Variants in SIPA1L1 observed in about 807,000 individuals in gnomAD.
The protein encoded by SIPA1L1 is signal-induced proliferation-associated 1-like protein 1.
Under a neutral mutation model 162.7 loss-of-function variants are expected in SIPA1L1, and 26 were observed. That is an observed-to-expected ratio of 0.16 (90% CI 0.12 to 0.22). The LOEUF is 0.22. Among genes scored for constraint, SIPA1L1 ranks in the 10% least tolerant of loss-of-function variants. SIPA1L1 has a pLI of 1.00. For synonymous variants in SIPA1L1, 829 were observed against 837.4 expected (o/e 0.99, Z 0.17); for missense variants, 1,874 against 2,241.0 (o/e 0.84, Z 3.31).
At chr14:71,610,255 A>G (rs919662144) in intron 5 of SIPA1L1, among the ~76,000 whole-genome samples, 2 of 152,172 alleles carry the variant, frequency 1.3e-5, no homozygotes, top group South Asian at 2.1e-4. Context: ...TTTTCAGTCA[A>G]GTTTATAGAC....
At chr14:71,544,074 C>T (rs753331877) in intron 4 of SIPA1L1, among the ~76,000 whole-genome samples, 3 of 150,082 alleles carry the variant, frequency 2.0e-5, no homozygotes, top group Non-Finnish European at 4.4e-5. Flanking sequence ...TACACACGCA[C>T]GCACATGTAT....
chr14:71,343,076 T>C (rs890461190), intron 2 of SIPA1L1, among the ~76,000 whole-genome samples: 4 of 152,244 alleles, frequency 2.6e-5, no homozygotes, highest in African/African-American at 9.6e-5. Context: ...CATCCTGTTC[T>C]TGGTTTACCA....
intron 19 of SIPA1L1, among the ~76,000 whole-genome samples, chr14:71,728,770 A>G (rs975901145): frequency 2.0e-5 from 3 of 152,194 alleles, no homozygotes; most frequent in African/African-American, 7.2e-5. Flanking sequence ...CATTTTCCCT[A>G]TCGAGGCAGA....
intron 6 of SIPA1L1, among the ~76,000 whole-genome samples, chr14:71,621,348 C>G (rs74060385): frequency 5.3e-5 from 8 of 152,154 alleles, no homozygotes; most frequent in Non-Finnish European, 1.0e-4. Context: ...TTCTGTTTCC[C>G]GGTTATCTCT....
Position 71,442,172 on chromosome 14 carries a change from CAAAAAAAAAAAAAA to C in SIPA1L1, c.-464-70557_-464-70544del, listed in dbSNP as rs368432068. Among the ~76,000 whole-genome samples, 5 of 26,092 alleles carry C rather than the reference CAAAAAAAAAAAAAA, an allele frequency of 1.9e-4. No homozygotes were observed. The South Asian group carries it at 3.8e-3, about 20-fold the overall frequency. The allele number at this position is 26,092 out of a possible 152,430, so 17.1% of individuals were successfully genotyped here. ...TGGATGACAGAGCAAGACTCTGTCTCAAAAAAAAAAAAAAAAAAAAAAAAAAAGAAGTAACTTAA... is the reference window on the plus strand; with the variant it reads ...TGGATGACAGAGCAAGACTCTGTCTCAAAAAAAAAAAAAGAAGTAACTTAA... On this transcript the variant is annotated intron_variant, in intron 2 of 23. Transcript: ENST00000381232.
intron 4 of SIPA1L1, chr14:71,587,033 C>G (rs2034699966): frequency 6.6e-6 from 1 of 152,058 alleles, no homozygotes; most frequent in African/African-American, 2.4e-5. Context: ...TTTTTGCCAA[C>G]TATGTTAAGC....
intron 14 of SIPA1L1, among the ~76,000 whole-genome samples, chr14:71,700,700 A>AT (rs1167983474): frequency 1.3e-5 from 2 of 152,210 alleles, no homozygotes; most frequent in African/African-American, 4.8e-5. Context: ...GGATGATATA[A>AT]TAAGAGTTTT....
intron 8 of SIPA1L1, among the ~76,000 whole-genome samples, chr14:71,650,754 C>CGG (rs1242326046): frequency 6.6e-6 from 1 of 152,120 alleles, no homozygotes; most frequent in Non-Finnish European, 1.5e-5. Flanking sequence ...GGCAGTGACA[C>CGG]AGATCGTGCA....
At chr14:71,569,816 T>C (rs2146944713) in intron 4 of SIPA1L1, among the ~76,000 whole-genome samples, 1 of 152,322 alleles carries the variant, frequency 6.6e-6, no homozygotes, top group East Asian at 1.9e-4. Context: ...CCTGAGGTTG[T>C]CAGTGTGCAG....
intron 4 of SIPA1L1, among the ~76,000 whole-genome samples, chr14:71,587,149 A>G (rs538184183): frequency 6.6e-6 from 1 of 152,260 alleles, no homozygotes; most frequent in East Asian, 1.9e-4. Flanking sequence ...TACTTTTGTC[A>G]AAAAACTCTG....
At chr14:71,559,979 T>C (rs1014226530) in intron 4 of SIPA1L1, among the ~76,000 whole-genome samples, 4 of 152,124 alleles carry the variant, frequency 2.6e-5, no homozygotes, top group Admixed American at 2.6e-4. Flanking sequence ...ATGTAAGATA[T>C]TTGTATATTT....
chr14:71,546,376 C>CTTTCTT (rs2055198769), intron 4 of SIPA1L1, among the ~76,000 whole-genome samples: 1 of 116,932 alleles, frequency 8.6e-6, no homozygotes, highest in Non-Finnish European at 1.7e-5. Flanking sequence ...CTTTTTCTTT[C>CTTTCTT]TTTTTTTTTT....
intron 12 of SIPA1L1, among the ~76,000 whole-genome samples, chr14:71,673,137 G>T (rs1301723669): frequency 6.6e-6 from 1 of 152,156 alleles, no homozygotes; most frequent in East Asian, 1.9e-4. Flanking sequence ...CAGGTGAGCT[G>T]CCCCTGCTCA....
intron 2 of SIPA1L1, among the ~76,000 whole-genome samples, chr14:71,478,295 T>A (rs1452226678): frequency 6.6e-6 from 1 of 152,210 alleles, no homozygotes; most frequent in Non-Finnish European, 1.5e-5. Context: ...ATATGTGATT[T>A]GCAAATTTTT....
At chr14:71,345,193 A>G (rs1302823285) in intron 2 of SIPA1L1, among the ~76,000 whole-genome samples, 2 of 152,132 alleles carry the variant, frequency 1.3e-5, no homozygotes, top group South Asian at 2.1e-4. Flanking sequence ...TACTATGGCC[A>G]TGTGTGACTG....
chr14:71,507,923 A>G (rs985934259), intron 2 of SIPA1L1, among the ~76,000 whole-genome samples: 16 of 152,200 alleles, frequency 1.1e-4, no homozygotes, highest in Non-Finnish European at 2.4e-4. Flanking sequence ...CTGGCAAACA[A>G]TGGCAATGAG....
chr14:71,514,877 A>G (rs2051552294), intron 3 of SIPA1L1, among the ~76,000 whole-genome samples: 1 of 152,254 alleles, frequency 6.6e-6, no homozygotes, highest in Non-Finnish European at 1.5e-5. Context: ...TAAGGATTAT[A>G]TCAATAGATT....
Position 71,661,417 on chromosome 14 carries a change from T to A in SIPA1L1, c.2205T>A (p.Val735=). 1 of 1,614,044 alleles carries A rather than the reference T, an allele frequency of 6.2e-7. No individual in the cohort carries two copies. Among genetic ancestry groups the A allele is most frequent in the Non-Finnish European group, 8.5e-7 (1 of 1,179,944 alleles). The part of the protein sequence containing the change: ...PKNIRSHFQH[V]FVIVRVHNPC... ...ACATCCGATCCCACTTCCAGCACGTTTTCGTCATCGTCAGGGTGCACAATC... is the reference window on the plus strand; with the variant it reads ...ACATCCGATCCCACTTCCAGCACGTATTCGTCATCGTCAGGGTGCACAATC... Residue 735 remains valine, a synonymous_variant, in exon 10 of 24, where the codon GTT becomes GTA. Coordinates refer to ENST00000381232, the MANE Select transcript of SIPA1L1 (RefSeq NM_001386936.1).
At chr14:71,465,053 G>A (rs2046890445) in intron 2 of SIPA1L1, among the ~76,000 whole-genome samples, 1 of 152,192 alleles carries the variant, frequency 6.6e-6, no homozygotes, top group Non-Finnish European at 1.5e-5. Flanking sequence ...ATGGCAGCAT[G>A]GGTCCAGGTG....
Sources: gnomAD v4.1 joint callset for allele counts (sites outside exome capture counted in the v4.1 genomes callset) on GRCh38, gnomAD v4.1.1 for gene constraint, MANE v1.5 for transcripts, NCBI Gene and HGNC (gene_info 2026-07-23, HGNC 2026-07-21) for gene names.